PCDH15: variants seen among roughly 807,000 people sequenced by gnomAD.
PCDH15 encodes the protein protocadherin related 15.
A neutral mutation model predicts 178.5 loss-of-function variants in PCDH15; 129 were observed. That is an observed-to-expected ratio of 0.72 (90% confidence interval 0.63 to 0.84). The LOEUF is 0.84. Ranked by LOEUF, PCDH15 falls within the 40% of genes least tolerant of loss-of-function variation. The pLI, the probability that PCDH15 is intolerant of heterozygous loss-of-function variation, is 0.00. For synonymous variants in PCDH15, 800 were observed against 732.0 expected (o/e 1.09, Z -1.50); for missense variants, 2,230 against 2,099.9 (o/e 1.06, Z -1.21).
intron 3 of PCDH15, among the ~76,000 whole-genome samples, chr10:54,385,810 T>G (rs1321010550): frequency 6.6e-6 from 1 of 152,170 alleles, no homozygotes; most frequent in Non-Finnish European, 1.5e-5. Flanking sequence ...TAAAGGTCAT[T>G]TTATTCATTT....
chr10:53,834,785 A>G (rs1481486016), intron 29 of PCDH15, among the ~76,000 whole-genome samples: 1 of 152,224 alleles, frequency 6.6e-6, no homozygotes, highest in East Asian at 1.9e-4. Context: ...TAATTAATAA[A>G]TACATAATCA....
intron 1 of PCDH15, among the ~76,000 whole-genome samples, chr10:55,238,067 G>A (rs1190025520): frequency 6.6e-6 from 1 of 150,846 alleles, no homozygotes; most frequent in East Asian, 1.9e-4. Context: ...AATTATATAC[G>A]TGATTTTTGA....
chr10:55,165,823 T>C (rs1839183016), intron 2 of PCDH15, among the ~76,000 whole-genome samples: 1 of 152,054 alleles, frequency 6.6e-6, no homozygotes, highest in Non-Finnish European at 1.5e-5. Context: ...CATGTTCCAG[T>C]TCTGAGTTTT....
At chr10:54,689,337 T>C (rs891449355) in intron 1 of PCDH15, among the ~76,000 whole-genome samples, 3 of 152,160 alleles carry the variant, frequency 2.0e-5, no homozygotes, top group African/African-American at 7.2e-5. Flanking sequence ...TTGGATATGG[T>C]AACTACCAAA....
chr10:55,303,458 T>C (rs1030665529), intron 1 of PCDH15, among the ~76,000 whole-genome samples: 2 of 152,192 alleles, frequency 1.3e-5, no homozygotes, highest in Non-Finnish European at 2.9e-5. Flanking sequence ...CAGTCCAATT[T>C]CCCCTTGGTA....
At chr10:54,693,286 T>C (rs1224701367) in intron 1 of PCDH15, among the ~76,000 whole-genome samples, 1 of 152,030 alleles carries the variant, frequency 6.6e-6, no homozygotes, top group African/African-American at 2.4e-5. Context: ...TAAGTTACAC[T>C]GTAACTTATA....
chr10:55,286,198 T>C (rs369981160), intron 1 of PCDH15, among the ~76,000 whole-genome samples: 31 of 151,914 alleles, frequency 2.0e-4, no homozygotes, highest in Middle Eastern at 3.2e-3. Flanking sequence ...GCTACTATTA[T>C]GTTACAATCA....
intron 2 of PCDH15, among the ~76,000 whole-genome samples, chr10:54,541,921 G>T (rs1470229811): frequency 4.6e-5 from 7 of 152,098 alleles, no homozygotes; most frequent in Non-Finnish European, 1.0e-4. Flanking sequence ...ATAAGTCTTT[G>T]TTTGCAGAGT....
At chr10:55,248,639 C>A (rs979921144) in intron 1 of PCDH15, among the ~76,000 whole-genome samples, 7 of 152,170 alleles carry the variant, frequency 4.6e-5, no homozygotes, top group Non-Finnish European at 8.8e-5. Flanking sequence ...GGCCTCCCTG[C>A]AACCTCCACG....
chr10:54,585,563 A>T, intron 2 of PCDH15: 1 of 232,956 alleles, frequency 4.3e-6, no homozygotes. Flanking sequence ...CCAATAGTTA[A>T]CAAATAATTC....
chr10:54,250,236 A>T (rs2056354992), intron 8 of PCDH15, among the ~76,000 whole-genome samples: 1 of 149,596 alleles, frequency 6.7e-6, no homozygotes, highest in East Asian at 2.0e-4. Context: ...TGCAAAACTC[A>T]ATGATGCCAT....
chr10:55,598,513 A>AATATATATATAT (rs61184409), intron 2 of PCDH15, among the ~76,000 whole-genome samples: 1 of 83,432 alleles, frequency 1.2e-5, no homozygotes, highest in Non-Finnish European at 2.7e-5. Flanking sequence ...AGCAAACCCT[A>AATATATATATAT]ATATATATAT....
chr10:55,256,771 C>A (rs1160975304), intron 1 of PCDH15, among the ~76,000 whole-genome samples: 2 of 152,224 alleles, frequency 1.3e-5, no homozygotes, highest in African/African-American at 4.8e-5. Context: ...GGAGGCCTGC[C>A]AGCCTCTGTA....
At chr10:55,608,190 G>A (rs1365675762) in intron 2 of PCDH15, among the ~76,000 whole-genome samples, 1 of 151,550 alleles carries the variant, frequency 6.6e-6, no homozygotes, top group Admixed American at 6.6e-5. Context: ...GACACAGCGA[G>A]TGACTATAAT....
At chr10:55,191,761 A>G (rs1206827483) in intron 1 of PCDH15, among the ~76,000 whole-genome samples, 2 of 151,850 alleles carry the variant, frequency 1.3e-5, no homozygotes, top group Non-Finnish European at 2.9e-5. Flanking sequence ...TTATCTAGTC[A>G]ATGGCCAACT....
At chr10:55,230,719 A>T (rs1302552252) in intron 1 of PCDH15, among the ~76,000 whole-genome samples, 1 of 152,080 alleles carries the variant, frequency 6.6e-6, no homozygotes, top group Non-Finnish European at 1.5e-5. Context: ...CTTTACAGAT[A>T]AGTAGAAAAT....
At chr10:55,575,830 C>T (rs1268036696) in intron 2 of PCDH15, 1 of 152,152 alleles carries the variant, frequency 6.6e-6, no homozygotes, top group Non-Finnish European at 1.5e-5. Flanking sequence ...CTTACTTCTT[C>T]AAGGTACTTA....
intron 23 of PCDH15, among the ~76,000 whole-genome samples, chr10:53,943,236 C>G (rs1313871553): frequency 6.6e-6 from 1 of 152,010 alleles, no homozygotes; most frequent in African/African-American, 2.4e-5. Context: ...CTCCTGTAAT[C>G]CCAGCACTTT....
chr10:55,291,586 T>G (rs1433273517), intron 1 of PCDH15, among the ~76,000 whole-genome samples: 1 of 152,194 alleles, frequency 6.6e-6, no homozygotes, highest in African/African-American at 2.4e-5. Flanking sequence ...AGCAGATGTC[T>G]TTACTAAGTT....
Sources: allele counts gnomAD v4.1 joint callset (sites outside exome capture counted in the v4.1 genomes callset), GRCh38; gene constraint gnomAD v4.1.1; transcripts MANE v1.5; gene names NCBI Gene and HGNC (gene_info 2026-07-23, HGNC 2026-07-21).